Variants in STXBP6 observed in about 807,000 individuals in gnomAD.
STXBP6 encodes the protein syntaxin binding protein 6.
A neutral mutation model predicts 26.9 loss-of-function variants in STXBP6; 21 were observed. That is an observed-to-expected ratio of 0.78 (90% CI 0.55 to 1.12). The LOEUF (loss-of-function observed/expected upper bound fraction) is 1.12. Ranked by LOEUF, STXBP6 falls within the 50% of genes most tolerant of loss-of-function variation. The pLI is 0.00. For missense variants in STXBP6, 232 were observed against 257.9 expected (o/e 0.90, Z 0.69); for synonymous variants, 97 against 92.6 (o/e 1.05, Z -0.27).
intron 1 of STXBP6, among the ~76,000 whole-genome samples, chr14:25,015,009 G>A (rs1447236776): frequency 1.3e-5 from 2 of 152,010 alleles, no homozygotes; most frequent in Non-Finnish European, 2.9e-5. Flanking sequence ...TCTATTGATG[G>A]CTGCTTTTAC....
intron 1 of STXBP6, among the ~76,000 whole-genome samples, chr14:24,998,984 A>G (rs2074679211): frequency 6.6e-6 from 1 of 152,204 alleles, no homozygotes; most frequent in Non-Finnish European, 1.5e-5. Context: ...GTGAACACAT[A>G]TCCCTTCAAG....
chr14:24,911,130 A>G (rs1162519463), intron 2 of STXBP6, among the ~76,000 whole-genome samples: 2 of 152,050 alleles, frequency 1.3e-5, no homozygotes, highest in Non-Finnish European at 2.9e-5. Flanking sequence ...TTTGAGACCA[A>G]CCTGGGCAAC....
intron 2 of STXBP6, among the ~76,000 whole-genome samples, chr14:24,907,613 T>A (rs907793016): frequency 6.6e-6 from 1 of 152,164 alleles, no homozygotes; most frequent in African/African-American, 2.4e-5. Flanking sequence ...TGTGGCTGAT[T>A]ACTCACAGAT....
chr14:24,898,904 T>C (rs1372532516), intron 2 of STXBP6, among the ~76,000 whole-genome samples: 2 of 152,180 alleles, frequency 1.3e-5, no homozygotes, highest in African/African-American at 4.8e-5. Flanking sequence ...CAAACCTCTA[T>C]AGAAGGAAGA....
chr14:25,041,194 C>T lies in STXBP6; in HGVS notation c.-33+8684G>A, dbSNP rs191037652. 2.1e-3 allele frequency among the ~76,000 whole-genome samples: 314 copies of T among 152,014 alleles called. 3 individuals are homozygous for T. The highest frequency in any genetic ancestry group is 0.01 in the Admixed American group (155 of 15,282). On this transcript the variant is annotated intron_variant, in intron 1 of 5. Transcript: ENST00000323944. ...AAAATTAGTGGGCAGTGGTGGTGGG[C>T]GCCTATAATCCCAGCTACTCAGGAG...
chr14:24,950,038 A>G (rs777086742), intron 2 of STXBP6, among the ~76,000 whole-genome samples: 3 of 152,196 alleles, frequency 2.0e-5, no homozygotes, highest in South Asian at 2.1e-4. Context: ...TGATTTGCCA[A>G]CTGATCTTTG....
intron 4 of STXBP6, among the ~76,000 whole-genome samples, chr14:24,848,258 T>G (rs567305199): frequency 1.3e-5 from 2 of 152,340 alleles, no homozygotes; most frequent in East Asian, 3.9e-4. Context: ...TCAAGGCATA[T>G]GTTGTATCCA....
chr14:24,918,009 A>C (rs1279506635), intron 2 of STXBP6, among the ~76,000 whole-genome samples: 1 of 152,078 alleles, frequency 6.6e-6, no homozygotes, highest in Non-Finnish European at 1.5e-5. Context: ...TGTTGAAAGA[A>C]GCCAATCACA....
rs573027409 is a variant in STXBP6, at chr14:25,002,167, A to G, written c.-32-27317T>C. On this transcript the variant is annotated intron_variant, in intron 1 of 5. Coordinates refer to ENST00000323944, the MANE Select transcript of STXBP6 (RefSeq NM_001394410.1). ...AGGACATTCTCTAAAATTATTTCAC[A>G]TAAGTAGATGAGGCTAGATTAATAC... 5.0e-4 allele frequency among the ~76,000 whole-genome samples: 76 copies of G among 152,322 alleles called. 1 individual carries two copies. In the South Asian group the frequency reaches 0.015, roughly 29 times the overall value.
chr14:24,850,490 A>AT (rs1371742466), intron 4 of STXBP6, among the ~76,000 whole-genome samples: 9 of 152,188 alleles, frequency 5.9e-5, no homozygotes, highest in Non-Finnish European at 1.2e-4. Flanking sequence ...GTGAAAAAAC[A>AT]ATCTGCCACA....
chr14:24,950,983 A>T (rs1218053557), intron 2 of STXBP6, among the ~76,000 whole-genome samples: 1 of 151,672 alleles, frequency 6.6e-6, no homozygotes, highest in Non-Finnish European at 1.5e-5. Context: ...GAGTGAGAGC[A>T]TGCGGTTTTG....
chr14:24,903,093 TTAAAAAATCTTTTAC>T (rs2071270260), intron 2 of STXBP6, among the ~76,000 whole-genome samples: 3 of 152,236 alleles, frequency 2.0e-5, no homozygotes, highest in Admixed American at 2.0e-4. Flanking sequence ...TAGCAGAGGA[TTAAAAAATCTTTTAC>T]TAACCAAGAT....
At chr14:25,041,220 G>C (rs1233856320) in intron 1 of STXBP6, among the ~76,000 whole-genome samples, 1 of 152,006 alleles carries the variant, frequency 6.6e-6, no homozygotes, top group Non-Finnish European at 1.5e-5. Context: ...TACTCAGGAG[G>C]CTGAGGCAGG....
chr14:24,946,554 T>C (rs559284674), intron 2 of STXBP6, among the ~76,000 whole-genome samples: 5 of 152,308 alleles, frequency 3.3e-5, no homozygotes, highest in East Asian at 1.9e-4. Flanking sequence ...ACTGGAAAAG[T>C]AGCCGTTGGC....
At chr14:24,917,970 GT>G (rs1326676916) in intron 2 of STXBP6, among the ~76,000 whole-genome samples, 2 of 151,976 alleles carry the variant, frequency 1.3e-5, no homozygotes, top group East Asian at 3.9e-4. Flanking sequence ...GTCTGCCTTT[GT>G]TTTTTTATAC....
At chr14:24,926,360 G>C (rs895695919) in intron 2 of STXBP6, among the ~76,000 whole-genome samples, 5 of 151,984 alleles carry the variant, frequency 3.3e-5, no homozygotes, top group Non-Finnish European at 5.9e-5. Flanking sequence ...ATATCTTTGG[G>C]CTCGCCATGT....
intron 4 of STXBP6, among the ~76,000 whole-genome samples, chr14:24,820,763 G>C (rs1013489270): frequency 4.3e-4 from 65 of 152,288 alleles, no homozygotes; most frequent in Non-Finnish European, 4.4e-5. Context: ...TCTGCTGATA[G>C]GATTGAGACT....
At chr14:24,850,132 G>A (rs540161914) in intron 4 of STXBP6, among the ~76,000 whole-genome samples, 4 of 152,078 alleles carry the variant, frequency 2.6e-5, no homozygotes, top group African/African-American at 4.8e-5. Context: ...CCTGGGACAC[G>A]CACAAGGTGA....
At chr14:24,937,921 G>C (rs1409433081) in intron 2 of STXBP6, among the ~76,000 whole-genome samples, 1 of 152,176 alleles carries the variant, frequency 6.6e-6, no homozygotes, top group Non-Finnish European at 1.5e-5. Flanking sequence ...TGGGTGGAAG[G>C]TGTTTCAAAA....
Sources: gnomAD v4.1 joint callset for allele counts (sites outside exome capture counted in the v4.1 genomes callset) on GRCh38, gnomAD v4.1.1 for gene constraint, MANE v1.5 for transcripts, NCBI Gene and HGNC (gene_info 2026-07-23, HGNC 2026-07-21) for gene names.